CYP26B1: variants seen among roughly 807,000 people sequenced by gnomAD.
CYP26B1 encodes cytochrome P450 26B1.
In CYP26B1, 8 loss-of-function variants were observed where a neutral mutation model predicts 39.1. The observed-to-expected ratio is 0.20, with a 90% confidence interval of 0.12 to 0.37. The LOEUF (loss-of-function observed/expected upper bound fraction) is 0.37. Among genes scored for constraint, CYP26B1 ranks in the 10% least tolerant of loss-of-function variants. The pLI, the probability that CYP26B1 is intolerant of heterozygous loss-of-function variation, is 1.00. For synonymous variants in CYP26B1, 321 were observed against 314.3 expected (o/e 1.02, Z -0.23); for missense variants, 615 against 707.0 (o/e 0.87, Z 1.48).
intron 2 of CYP26B1, among the ~76,000 whole-genome samples, chr2:72,139,939 G>A (rs1431944051): frequency 6.6e-6 from 1 of 152,140 alleles, no homozygotes; most frequent in Non-Finnish European, 1.5e-5. Context: ...CTGAGGGTGA[G>A]GCCAGCTGTC....
chr2:72,132,096 G>A lies in CYP26B1; in HGVS notation c.*131C>T, dbSNP rs1222477103. The A allele has an allele frequency of 2.8e-6, 3 of 1,071,496 alleles. No individual in the cohort carries two copies. The highest frequency in any genetic ancestry group is 2.6e-5 in the East Asian group (1 of 38,300). The allele number at this position is 1,071,496 out of a possible 1,614,324, so 66.4% of individuals were successfully genotyped here. On this transcript the variant is annotated 3_prime_UTR_variant, in exon 6 of 6. Transcript: ENST00000001146. The stretch of plus-strand genomic sequence containing the variant: ...GGCTTTGGGTAGGGTTTGCCAGGGA[G>A]GGGGAGCAAGGGAGGGCAAGTATGG...
chr2:72,141,494 C>G (rs1676940485), intron 2 of CYP26B1, among the ~76,000 whole-genome samples: 1 of 152,196 alleles, frequency 6.6e-6, no homozygotes, highest in Non-Finnish European at 1.5e-5. Context: ...CGCTCCAGTT[C>G]CCCACCAGCC....
chr2:72,134,311 G>A (rs940414488), intron 4 of CYP26B1, among the ~76,000 whole-genome samples: 2 of 151,624 alleles, frequency 1.3e-5, no homozygotes, highest in East Asian at 2.0e-4. Context: ...CAGGGGCCTA[G>A]GGGGCGGGGG....
At chr2:72,143,248 G>A (rs1279773631) in intron 2 of CYP26B1, among the ~76,000 whole-genome samples, 1 of 152,224 alleles carries the variant, frequency 6.6e-6, no homozygotes, top group East Asian at 1.9e-4. Flanking sequence ...AGCACGTGCC[G>A]CCAGCGCTGG....
At position 72,130,527 on chromosome 2, in the gene CYP26B1, T is replaced by G. The variant is rs1676535260; in HGVS notation, c.*1700A>C. ...ACGGGATCTGGTCTGAGGGAGCCAC[T>G]GAGGTGCTCACAGCAGCGATCGGGG... On this transcript the variant is annotated 3_prime_UTR_variant, in exon 6 of 6. Coordinates refer to ENST00000001146, the MANE Select transcript of CYP26B1 (RefSeq NM_019885.4). 6.6e-6 allele frequency: 1 copy of G among 152,220 alleles called. No homozygotes were observed. Among genetic ancestry groups the G allele is most frequent in the Admixed American group, 6.5e-5 (1 of 15,282 alleles). 9.4% of individuals were successfully genotyped at this position (152,220 alleles called of 1,614,324 possible).
At chr2:72,135,903 T>G (rs1452840345) in intron 2 of CYP26B1, among the ~76,000 whole-genome samples, 1 of 152,134 alleles carries the variant, frequency 6.6e-6, no homozygotes, top group Non-Finnish European at 1.5e-5. Flanking sequence ...GAAAAGGTCT[T>G]CAGTGTGGCC....
chr2:72,133,278 G>A lies in CYP26B1; in HGVS notation c.891C>T (p.Ala297=). ...TGCTGGCGCTGGCCGTGGTGGCATA[G>A]GCCGCAAAGATCAGCTCCAGGGTCC... is the stretch of plus-strand genomic sequence containing the variant. ...KDGTLELIFA[A]YATTASASTS... Residue 297 remains alanine (A), a synonymous_variant, in exon 5 of 6, where the codon GCC becomes GCT. Transcript: ENST00000001146. The A allele has an allele frequency of 6.2e-7, 1 of 1,609,110 alleles. No individual in the cohort carries two copies. Among genetic ancestry groups the A allele is most frequent in the Non-Finnish European group, 8.5e-7 (1 of 1,179,704 alleles).
chr2:72,136,471 A>G (rs1213809269), intron 2 of CYP26B1, among the ~76,000 whole-genome samples: 1 of 152,262 alleles, frequency 6.6e-6, no homozygotes, highest in African/African-American at 2.4e-5. Flanking sequence ...GGTTTGCAGA[A>G]ATAACAGTGC....
chr2:72,144,839 G>A (rs890340635), intron 1 of CYP26B1, among the ~76,000 whole-genome samples: 1 of 152,172 alleles, frequency 6.6e-6, no homozygotes, highest in African/African-American at 2.4e-5. Flanking sequence ...TTGCCGCCCT[G>A]GAGTTTGGAA....
At chr2:72,133,337 G>T in intron 4 of CYP26B1, 30 bp from the exon 5 acceptor site, 1 of 1,592,064 alleles carries the variant, frequency 6.3e-7, no homozygotes. Flanking sequence ...GGTGTTGTTG[G>T]AGGTGTGGGT....
intron 2 of CYP26B1, among the ~76,000 whole-genome samples, chr2:72,137,787 C>T (rs982025926): frequency 3.9e-5 from 6 of 152,200 alleles, no homozygotes; most frequent in African/African-American, 1.4e-4. Context: ...GGGGTCCACA[C>T]CTGACCCCTG....
intron 4 of CYP26B1, among the ~76,000 whole-genome samples, chr2:72,133,537 G>A (rs758530532): frequency 3.3e-5 from 5 of 152,230 alleles, no homozygotes; most frequent in Admixed American, 1.3e-4. Flanking sequence ...TGCTGTGACC[G>A]AGGGCAGAAG....
At chr2:72,136,131 TGGA>T (rs1676767242) in intron 2 of CYP26B1, among the ~76,000 whole-genome samples, 1 of 152,072 alleles carries the variant, frequency 6.6e-6, no homozygotes, top group African/African-American at 2.4e-5. Context: ...TTTTCATGTG[TGGA>T]GGAGAGGGGA....
In CYP26B1 at chr2:72,130,293, C is replaced by T. The variant is rs551942826; in HGVS notation, c.*1934G>A. 2.4e-4 allele frequency: 36 copies of T among 152,314 alleles called. No homozygotes were observed. The highest frequency in any genetic ancestry group is 8.4e-4 in the African/African-American group (35 of 41,562). The allele number at this position is 152,314 out of a possible 1,614,324, so 9.4% of individuals were successfully genotyped here. A position where few individuals can be genotyped will look rare whatever the true frequency, so the allele number is the denominator to read the frequency against. On this transcript the variant is annotated 3_prime_UTR_variant, in exon 6 of 6. Transcript: ENST00000001146. ...GTTGCAAGCTTTGACAAGTCTTTAC[C>T]CATTCTGGCCTGTTTTTCAGGATTA... is the stretch of plus-strand genomic sequence containing the variant.
chr2:72,135,077 C>T (rs1676722130), intron 3 of CYP26B1, 67 bp downstream of exon 3: 3 of 1,607,832 alleles, frequency 1.9e-6, no homozygotes, highest in Non-Finnish European at 2.5e-6. Context: ...TCAGGTCAGC[C>T]ACCCACCCCC....
intron 1 of CYP26B1, among the ~76,000 whole-genome samples, chr2:72,145,658 A>G (rs1677103719): frequency 6.6e-6 from 1 of 151,656 alleles, no homozygotes; most frequent in African/African-American, 2.4e-5. Context: ...TTTTCTTTCA[A>G]CACAAAAGTT....
At chr2:72,144,634 G>T in intron 1 of CYP26B1, 1 of 314,646 alleles carries the variant, frequency 3.2e-6, no homozygotes, top group Non-Finnish European at 4.6e-6. Context: ...GCAGGCCAAA[G>T]ATTATTTATA....
chr2:72,145,740 A>C (rs1160689797), intron 1 of CYP26B1, among the ~76,000 whole-genome samples: 1 of 151,798 alleles, frequency 6.6e-6, no homozygotes, highest in Non-Finnish European at 1.5e-5. Flanking sequence ...AACTATAATT[A>C]AAGTGCGTTT....
chr2:72,136,152 AGTTT>A (rs1442034294), intron 2 of CYP26B1, among the ~76,000 whole-genome samples: 2 of 152,036 alleles, frequency 1.3e-5, no homozygotes, highest in Non-Finnish European at 2.9e-5. Context: ...GGAGCACGTT[AGTTT>A]ATTTACCAAA....
Sources: gnomAD v4.1 joint callset for allele counts (sites outside exome capture counted in the v4.1 genomes callset) on GRCh38, gnomAD v4.1.1 for gene constraint, MANE v1.5 for transcripts, NCBI Gene and HGNC (gene_info 2026-07-23, HGNC 2026-07-21) for gene names.